Variants in BBS9 observed in about 807,000 individuals in gnomAD.
The protein encoded by BBS9 is protein PTHB1.
BBS9 carries 89 observed loss-of-function variants against 117.7 expected under a neutral mutation model. The observed-to-expected ratio is 0.76, with a 90% CI of 0.64 to 0.90. The LOEUF is 0.90. BBS9 is among the 40% of genes least tolerant of loss of function. The pLI is 0.00. For synonymous variants in BBS9, 379 were observed against 370.9 expected, an observed-to-expected ratio of 1.02 and a Z score of -0.25; for missense variants, 982 against 1,042.2, an observed-to-expected ratio of 0.94 and a Z score of 0.80.
intron 21 of BBS9, among the ~76,000 whole-genome samples, chr7:33,580,184 G>C (rs1859638037): frequency 6.6e-6 from 1 of 151,950 alleles, no homozygotes; most frequent in Non-Finnish European, 1.5e-5. Flanking sequence ...CCATCCAGCT[G>C]TGGAGCAGGA....
At chr7:33,524,273 T>A (rs1585118979) in intron 20 of BBS9, among the ~76,000 whole-genome samples, 3 of 152,180 alleles carry the variant, frequency 2.0e-5, no homozygotes, top group African/African-American at 7.2e-5. Context: ...TAAAATGAGT[T>A]AGGGAGGATT....
At chr7:33,369,824 C>T (rs1460137440) in intron 17 of BBS9, among the ~76,000 whole-genome samples, 1 of 152,070 alleles carries the variant, frequency 6.6e-6, no homozygotes, top group Admixed American at 6.6e-5. Flanking sequence ...TGAAAGGTAC[C>T]TAGTATTAAT....
chr7:33,586,297 A>G (rs554971274), intron 21 of BBS9, among the ~76,000 whole-genome samples: 9 of 152,122 alleles, frequency 5.9e-5, no homozygotes. Flanking sequence ...AATGCTCATA[A>G]TCACTAATCA....
At chr7:33,597,813 A>T (rs909929655) in intron 21 of BBS9, among the ~76,000 whole-genome samples, 4 of 151,378 alleles carry the variant, frequency 2.6e-5, no homozygotes, top group Admixed American at 2.6e-4. Flanking sequence ...AAGTGATTAA[A>T]CCTAAAGCTA....
chr7:33,533,978 G>A lies in BBS9; in HGVS notation c.2323G>A (p.Ala775Thr), dbSNP rs571795495. 15 of 1,614,152 alleles carry A rather than the reference G, an allele frequency of 9.3e-6. No homozygotes were observed. Among genetic ancestry groups the A allele is most frequent in the East Asian group, 6.7e-5 (3 of 44,890 alleles). ...ELGWEETVDA[A>T]ISHLLKTCLS... ...GGGCTGGGAAGAAACGGTGGATGCC[G>A]CCATTTCCCACCTGTTGAAGACTTG... Residue 775 changes from alanine to threonine, a missense_variant, in exon 21 of 23, where the codon GCC becomes ACC. Coordinates refer to ENST00000242067, the MANE Select transcript of BBS9 (RefSeq NM_198428.3).
At chr7:33,173,600 T>G (rs938986565) in intron 4 of BBS9, among the ~76,000 whole-genome samples, 2 of 151,994 alleles carry the variant, frequency 1.3e-5, no homozygotes, top group African/African-American at 2.4e-5. Flanking sequence ...TTGAAAAATT[T>G]TAGAAGCTTC....
chr7:33,329,701 A>G (rs192733013), intron 9 of BBS9, among the ~76,000 whole-genome samples: 1 of 152,302 alleles, frequency 6.6e-6, no homozygotes, highest in East Asian at 1.9e-4. Flanking sequence ...AATGTTCTCT[A>G]AAAGGATTAT....
At chr7:33,571,551 TA>T (rs1857789975) in intron 21 of BBS9, among the ~76,000 whole-genome samples, 1 of 152,094 alleles carries the variant, frequency 6.6e-6, no homozygotes, top group South Asian at 2.1e-4. Flanking sequence ...TAATTTTTCT[TA>T]TTTTTTTGCC....
At chr7:33,275,871 A>C (rs111502223) in intron 9 of BBS9, among the ~76,000 whole-genome samples, 1 of 152,194 alleles carries the variant, frequency 6.6e-6, no homozygotes, top group East Asian at 1.9e-4. Flanking sequence ...ACAGTCAATA[A>C]TAACTGAAAT....
At chr7:33,420,749 T>G (rs1244645429) in intron 19 of BBS9, among the ~76,000 whole-genome samples, 1 of 152,136 alleles carries the variant, frequency 6.6e-6, no homozygotes, top group African/African-American at 2.4e-5. Context: ...AAGCGGTCAT[T>G]CCAGACTTTT....
intron 19 of BBS9, among the ~76,000 whole-genome samples, chr7:33,465,542 C>T (rs959042008): frequency 2.6e-5 from 4 of 152,292 alleles, no homozygotes; most frequent in Middle Eastern, 3.4e-3. Context: ...TTTCAGTGCA[C>T]TCTTATTCTC....
At position 33,304,123 on chromosome 7, in the gene BBS9, C is replaced by T. The variant is rs187444573; in HGVS notation, c.1016+30167C>T. ...GAGGAGTGCCTCTGCCTGGCCACCCCGTCTGGGAAGTGAGGAGCACCTCTG... is the reference window on the plus strand; with the variant it reads ...GAGGAGTGCCTCTGCCTGGCCACCCTGTCTGGGAAGTGAGGAGCACCTCTG... On this transcript the variant is annotated intron_variant, in intron 9 of 22. Transcript: ENST00000242067. Among the ~76,000 whole-genome samples the T allele has an allele frequency of 2.4e-4, 36 of 150,562 alleles. 1 individual carries two copies. Among genetic ancestry groups the T allele is most frequent in the African/African-American group, 8.1e-4 (33 of 40,880 alleles).
intron 4 of BBS9, among the ~76,000 whole-genome samples, chr7:33,171,266 A>G (rs1264194915): frequency 6.6e-6 from 1 of 152,036 alleles, no homozygotes; most frequent in Non-Finnish European, 1.5e-5. Context: ...ATATAGATCA[A>G]TGGAACAGAA....
chr7:33,441,612 C>A (rs1210786008), intron 19 of BBS9, among the ~76,000 whole-genome samples: 1 of 152,042 alleles, frequency 6.6e-6, no homozygotes, highest in African/African-American at 2.4e-5. Flanking sequence ...GCTTGAAAAC[C>A]CACATTTGCA....
chr7:33,388,441 A>C (rs1335018483), intron 19 of BBS9, among the ~76,000 whole-genome samples: 1 of 152,232 alleles, frequency 6.6e-6, no homozygotes, highest in Non-Finnish European at 1.5e-5. Context: ...AATGCCAGGC[A>C]CGTAATATGT....
In BBS9 at chr7:33,633,364, A is replaced by G. The variant is rs180947536; in HGVS notation, c.2522-1813A>G. ...TGTATTTTCTTCTGAGAAAACTGCC[A>G]GATATGTTTGGAAAGCAGGGCTACA... On this transcript the variant is annotated intron_variant, in intron 21 of 21. Coordinates refer to the BBS9 transcript ENST00000671952. 1.1e-4 allele frequency among the ~76,000 whole-genome samples: 16 copies of G among 152,202 alleles called. No homozygotes were observed. The East Asian group carries it at 3.1e-3, about 29-fold the overall frequency.
intron 19 of BBS9, among the ~76,000 whole-genome samples, chr7:33,498,321 C>T (rs1028173730): frequency 3.9e-5 from 6 of 151,990 alleles, no homozygotes; most frequent in Admixed American, 3.3e-4. Flanking sequence ...ATCTTTTATT[C>T]GCTTACTATT....
intron 18 of BBS9, among the ~76,000 whole-genome samples, chr7:33,384,092 C>T (rs1825584529): frequency 6.6e-6 from 1 of 152,206 alleles, no homozygotes; most frequent in Admixed American, 6.5e-5. Context: ...AATTCTCCCA[C>T]ATGGAGACTT....
chr7:33,558,670 C>T (rs2129107033), intron 21 of BBS9, among the ~76,000 whole-genome samples: 1 of 152,078 alleles, frequency 6.6e-6, no homozygotes, highest in South Asian at 2.1e-4. Flanking sequence ...CAGTTTTAAC[C>T]TTGAATGGCC....
Sources: allele counts gnomAD v4.1 joint callset (sites outside exome capture counted in the v4.1 genomes callset), GRCh38; gene constraint gnomAD v4.1.1; transcripts MANE v1.5; gene names NCBI Gene and HGNC (gene_info 2026-07-23, HGNC 2026-07-21).